The following ADGRG2 variants were observed in gnomAD, a reference collection of about 807,000 sequenced individuals.
ADGRG2 encodes the protein G protein-coupled receptor 64.
A neutral mutation model predicts 74.1 loss-of-function variants in ADGRG2; 26 were observed. That is an observed-to-expected ratio of 0.35 (90% confidence interval 0.26 to 0.49). The LOEUF is 0.49. Among genes scored for constraint, ADGRG2 ranks in the 20% least tolerant of loss-of-function variants. The pLI is 0.99. For synonymous variants in ADGRG2, 296 were observed against 295.2 expected (o/e 1.00, Z -0.03); for missense variants, 619 against 763.1 (o/e 0.81, Z 2.22).
At chrX:19,018,909 C>T (rs1471010510) in intron 15 of ADGRG2, among the ~76,000 whole-genome samples, 1 of 111,971 alleles carries the variant, frequency 8.9e-6, no homozygotes, top group African/African-American at 3.2e-5. Flanking sequence ...GTGGCGCAAC[C>T]TCGGCTCACT....
At chrX:19,098,427 G>A (rs1187501422) in intron 1 of ADGRG2, among the ~76,000 whole-genome samples, 5 of 111,726 alleles carry the variant, frequency 4.5e-5, no homozygotes, top group Admixed American at 9.6e-5. Context: ...CCAACTGGAG[G>A]GGGGACCATG....
intron 2 of ADGRG2, among the ~76,000 whole-genome samples, chrX:19,073,960 T>G (rs2061693254): frequency 8.9e-6 from 1 of 112,161 alleles, no homozygotes; most frequent in African/African-American, 3.2e-5. Context: ...GCAGGGGTTC[T>G]CAGTGTGGAT....
chrX:19,100,845 A>G (rs1235326210), intron 1 of ADGRG2, among the ~76,000 whole-genome samples: 1 of 113,302 alleles, frequency 8.8e-6, no homozygotes, highest in African/African-American at 3.2e-5. Context: ...AGGAAACAGA[A>G]AGATAACGAC....
chrX:19,065,300 GA>G (rs1331665051), intron 3 of ADGRG2, among the ~76,000 whole-genome samples: 1 of 74,143 alleles, frequency 1.3e-5, no homozygotes, highest in Admixed American at 1.5e-4. Flanking sequence ...AGAAAAGAAA[GA>G]AAAAGAAAAA....
chrX:19,106,882 T>TGCACTCCA (rs1201470720), intron 1 of ADGRG2, among the ~76,000 whole-genome samples: 3 of 109,221 alleles, frequency 2.7e-5, no homozygotes, highest in Non-Finnish European at 3.8e-5. Flanking sequence ...ATCATGCCAC[T>TGCACTCCA]GCACTCCAGC....
chrX:19,101,677 G>T (rs1288670445), intron 1 of ADGRG2, among the ~76,000 whole-genome samples: 1 of 109,401 alleles, frequency 9.1e-6, no homozygotes, highest in East Asian at 2.9e-4. Flanking sequence ...CTCCAGCCTG[G>T]GCCATAGAGT....
chrX:19,097,720 C>T (rs1479663659), intron 1 of ADGRG2, among the ~76,000 whole-genome samples: 2 of 111,502 alleles, frequency 1.8e-5, no homozygotes, highest in Non-Finnish European at 3.8e-5. Context: ...AGGACACCCT[C>T]ACTGCATCGA....
At chrX:19,037,332 GT>G in intron 6 of ADGRG2, 134 bp downstream of exon 6, 1 of 483,678 alleles carries the variant, frequency 2.1e-6, no homozygotes, top group Non-Finnish European at 3.4e-6. Context: ...GGGTTGGCAA[GT>G]TTTGTTTTGG....
chrX:19,109,098 A>G (rs1432184718), intron 1 of ADGRG2, among the ~76,000 whole-genome samples: 1 of 111,213 alleles, frequency 9.0e-6, no homozygotes, highest in Non-Finnish European at 1.9e-5. Context: ...TATGTCCATG[A>G]AATACTACTT....
rs140875408 is a variant in ADGRG2, at chrX:19,117,892, C to T, written c.-47+4550G>A. On this transcript the variant is annotated intron_variant, in intron 1 of 28. Coordinates refer to ENST00000379869, the MANE Select transcript of ADGRG2 (RefSeq NM_001079858.3). ...CCAGTGAGATCAAAATATGAACTTCCAAAGTCAAGAAGCAAACTAACTGAT... is the reference window on the plus strand; with the variant it reads ...CCAGTGAGATCAAAATATGAACTTCTAAAGTCAAGAAGCAAACTAACTGAT... 4.3e-3 allele frequency among the ~76,000 whole-genome samples: 473 copies of T among 109,558 alleles called. 2 individuals carry two copies. The highest frequency in any genetic ancestry group is 0.015 in the African/African-American group (444 of 30,155).
At chrX:19,034,397 T>C (rs1157394987) in intron 7 of ADGRG2, 1 of 111,902 alleles carries the variant, frequency 8.9e-6, no homozygotes, top group East Asian at 2.8e-4. Context: ...GGAAAGAGGC[T>C]GTGTTCAGGG....
At chrX:19,031,131 T>C in intron 8 of ADGRG2, 94 bp from the exon 9 acceptor site, 1 of 598,024 alleles carries the variant, frequency 1.7e-6, no homozygotes, top group African/African-American at 2.2e-5. Context: ...AGGCATCAAA[T>C]GTGGACCAGA....
At chrX:19,003,166 C>G (rs751445730) in intron 23 of ADGRG2, 52 bp from the exon 24 acceptor site, 2 of 1,037,937 alleles carry the variant, frequency 1.9e-6, no homozygotes, top group African/African-American at 3.8e-5. Flanking sequence ...GCCAACCCTC[C>G]AACTTTTTTT....
Position 18,990,841 on chromosome X carries a change from G to A in ADGRG2, c.*23C>T. 8.9e-7 allele frequency: 1 copy of A among 1,123,194 alleles called. No homozygotes were observed. Among genetic ancestry groups the A allele is most frequent in the Non-Finnish European group, 1.2e-6 (1 of 828,628 alleles). 92.6% of individuals were successfully genotyped at this position (1,123,194 alleles called of 1,213,427 possible). A position where few individuals can be genotyped will look rare whatever the true frequency, so the allele number is the denominator to read the frequency against. Reference sequence around the variant, plus strand: ...GACATTTCACACTGTCAAGCATCATGCTTTGATTTTAGAAGAAAGGAATCA... The same window carrying A: ...GACATTTCACACTGTCAAGCATCATACTTTGATTTTAGAAGAAAGGAATCA... On this transcript the variant is annotated 3_prime_UTR_variant, in exon 29 of 29. Transcript: ENST00000379869.
intron 1 of ADGRG2, among the ~76,000 whole-genome samples, 177 bp downstream of exon 1, chrX:19,122,265 C>G (rs1398155771): frequency 1.8e-5 from 2 of 112,524 alleles, no homozygotes; most frequent in Middle Eastern, 4.7e-3. Context: ...AGGATGTTCC[C>G]GGGCCCCGGC....
rs752728878 is a variant in ADGRG2 at position 19,010,608 on chromosome X, C to T, written c.1265+5G>A. On this transcript the variant is annotated splice_donor_5th_base_variant and intron_variant, in intron 17 of 28. Coordinates refer to ENST00000379869, the MANE Select transcript of ADGRG2 (RefSeq NM_001079858.3). ...TTACCACCACTTCAGTTTGCGAAGT[C>T]GTACCTTTGAGCCAGAGGGGCCAGC... is the stretch of plus-strand genomic sequence containing the variant. The T allele has an allele frequency of 7.5e-6, 9 of 1,198,495 alleles. No individual in the cohort carries two copies. Among genetic ancestry groups the T allele is most frequent in the South Asian group, 3.6e-5 (2 of 55,193 alleles).
chrX:19,087,532 G>A (rs1249025969), intron 1 of ADGRG2, among the ~76,000 whole-genome samples: 6 of 112,639 alleles, frequency 5.3e-5, no homozygotes, highest in African/African-American at 9.7e-5. Context: ...AGACATGGGC[G>A]AGAGCATTCC....
intron 1 of ADGRG2, among the ~76,000 whole-genome samples, chrX:19,109,252 T>TA (rs1045534247): frequency 6.4e-5 from 7 of 110,003 alleles, no homozygotes; most frequent in African/African-American, 2.3e-4. Flanking sequence ...TGGCCCAGTT[T>TA]AAAAAAAAAT....
chrX:19,014,671 C>T lies in ADGRG2; in HGVS notation c.711-597G>A, dbSNP rs1027182898. ...TTTTTTGAGACAGAGTCTCACTCGT[C>T]ACCCAGGCTGGGGTGCAGTGGCGTG... is the stretch of plus-strand genomic sequence containing the variant. On this transcript the variant is annotated intron_variant, in intron 15 of 28. Transcript: ENST00000379869. Among the ~76,000 whole-genome samples the T allele has an allele frequency of 1.1e-4, 12 of 111,507 alleles. No individual in the cohort carries two copies. The East Asian group carries it at 3.1e-3, about 29-fold the overall frequency.
Sources: allele counts gnomAD v4.1 joint callset (sites outside exome capture counted in the v4.1 genomes callset), GRCh38; gene constraint gnomAD v4.1.1; transcripts MANE v1.5; gene names NCBI Gene and HGNC (gene_info 2026-07-23, HGNC 2026-07-21).